Variants in UNC5B observed in about 807,000 individuals in gnomAD.
The protein encoded by UNC5B is netrin receptor UNC5B.
In UNC5B, 56 loss-of-function variants were observed where a neutral mutation model predicts 103.7. The observed-to-expected ratio is 0.54, with a 90% CI of 0.44 to 0.67. The LOEUF (loss-of-function observed/expected upper bound fraction) is 0.67, where lower values mean the gene tolerates loss of function less well. Ranked by LOEUF, UNC5B falls within the 30% of genes least tolerant of loss-of-function variation. The pLI is 0.00. For missense variants in UNC5B, 1,194 were observed against 1,284.5 expected (o/e 0.93, Z 1.08); for synonymous variants, 577 against 542.0 (o/e 1.06, Z -0.90).
At chr10:71,240,180 GC>G (rs2132258241) in intron 1 of UNC5B, among the ~76,000 whole-genome samples, 2 of 152,258 alleles carry the variant, frequency 1.3e-5, no homozygotes, top group South Asian at 4.1e-4. Context: ...GCCAACCTGT[GC>G]CCCCTCCCCC....
chr10:71,284,085 G>A (rs1169947875), intron 2 of UNC5B, among the ~76,000 whole-genome samples: 1 of 152,214 alleles, frequency 6.6e-6, no homozygotes, highest in African/African-American at 2.4e-5. Flanking sequence ...AGCTGGGTAG[G>A]GGAGTGACTG....
At chr10:71,234,158 G>C (rs1037022472) in intron 1 of UNC5B, among the ~76,000 whole-genome samples, 2 of 152,172 alleles carry the variant, frequency 1.3e-5, no homozygotes, top group Admixed American at 6.5e-5. Flanking sequence ...CCTCGGGGGT[G>C]GGGGGCGGAG....
Position 71,213,416 on chromosome 10 carries a change from G to C in UNC5B, c.79+352G>C, listed in dbSNP as rs1843267778. On this transcript the variant is annotated intron_variant, in intron 1 of 16. Transcript: ENST00000335350. The surrounding 1 kb of genome is among the most constrained non-coding windows in gnomAD (Gnocchi z 4.1). ...CGCGCCTGGCATCCGCCCCGAAAAAGAACATTGGCTACATAAGCAAGGTGT... is the reference window on the plus strand; with the variant it reads ...CGCGCCTGGCATCCGCCCCGAAAAACAACATTGGCTACATAAGCAAGGTGT... Among the ~76,000 whole-genome samples the C allele has an allele frequency of 1.3e-5, 2 of 152,296 alleles. No homozygotes were observed. Among genetic ancestry groups the C allele is most frequent in the East Asian group, 3.9e-4 (2 of 5,158 alleles).
chr10:71,290,792 G>A, intron 8 of UNC5B, 123 bp from the exon 9 acceptor site: 1 of 1,236,122 alleles, frequency 8.1e-7, no homozygotes, highest in Non-Finnish European at 1.1e-6. Context: ...GCAGGGCTCA[G>A]ACTGGAACTC....
chr10:71,293,808 G>A lies in UNC5B; in HGVS notation c.2050G>A (p.Gly684Ser). The A allele has an allele frequency of 6.2e-7, 1 of 1,609,702 alleles. No homozygotes were observed. Among genetic ancestry groups the A allele is most frequent in the East Asian group, 2.3e-5 (1 of 44,444 alleles). The change falls in exon 13 of 17, where the codon GGC becomes AGC. Residue 684 changes from glycine to serine, a missense_variant. Gly to Ser is a moderately conservative substitution (Grantham distance 56). Coordinates refer to ENST00000335350, the MANE Select transcript of UNC5B (RefSeq NM_170744.5). ...CCAGCTGGGCACCTACGTGTTCACGGGCGAGTCCTATTCCCGCTCAGCAGT... is the reference window on the plus strand; with the variant it reads ...CCAGCTGGGCACCTACGTGTTCACGAGCGAGTCCTATTCCCGCTCAGCAGT... ...LDQLGTYVFT[G>S]ESYSRSAVKR...
intron 1 of UNC5B, among the ~76,000 whole-genome samples, chr10:71,264,402 A>G (rs776920446): frequency 3.3e-5 from 5 of 152,226 alleles, no homozygotes; most frequent in African/African-American, 7.2e-5. Context: ...CCCATTCTGC[A>G]GAGAAGGAAA....
At chr10:71,286,540 A>C in intron 4 of UNC5B, 149 bp from the exon 5 acceptor site, 6 of 1,016,188 alleles carry the variant, frequency 5.9e-6, no homozygotes, top group Non-Finnish European at 8.7e-6. Flanking sequence ...TCTTAACCCC[A>C]GAGCTGTACA....
intron 1 of UNC5B, among the ~76,000 whole-genome samples, chr10:71,245,880 T>G (rs1190488271): frequency 6.6e-6 from 1 of 152,144 alleles, no homozygotes; most frequent in Non-Finnish European, 1.5e-5. Flanking sequence ...TCGTATCAGC[T>G]CTGTTGGTCT....
chr10:71,250,766 A>G lies in UNC5B; in HGVS notation c.80-29055A>G, dbSNP rs113864650. On this transcript the variant is annotated intron_variant, in intron 1 of 16. Coordinates refer to ENST00000335350, the MANE Select transcript of UNC5B (RefSeq NM_170744.5). The stretch of plus-strand genomic sequence containing the variant: ...TTTCCTGAAGGGTTATCCCCCTCCT[A>G]GCTCCCAGCACTTTGGGGTAGAGAT... Among the ~76,000 whole-genome samples the G allele has an allele frequency of 2.6e-3, 393 of 152,316 alleles. 4 individuals are homozygous for G. The highest frequency in any genetic ancestry group is 8.9e-3 in the African/African-American group (369 of 41,548).
intron 2 of UNC5B, among the ~76,000 whole-genome samples, chr10:71,280,779 C>G (rs1160186340): frequency 6.6e-6 from 1 of 152,212 alleles, no homozygotes; most frequent in Non-Finnish European, 1.5e-5. Context: ...GTCACCAGGT[C>G]CCTGTTGATA....
intron 1 of UNC5B, among the ~76,000 whole-genome samples, chr10:71,259,590 A>G (rs1316923785): frequency 6.6e-6 from 1 of 152,180 alleles, no homozygotes; most frequent in Non-Finnish European, 1.5e-5. Context: ...ACTTCAGCCT[A>G]CACAAGGTCA....
Position 71,287,774 on chromosome 10 carries a change from C to G in UNC5B, c.901+9C>G, listed in dbSNP as rs374328402. The stretch of plus-strand genomic sequence containing the variant: ...CACCACCATCTGCCCAGGTAAGGAG[C>G]CTTGTCCATGTCCAGCCCCACCCCG... On this transcript the variant is annotated intron_variant, in intron 6 of 16. Coordinates refer to ENST00000335350, the MANE Select transcript of UNC5B (RefSeq NM_170744.5). 4.3e-5 allele frequency: 70 copies of G among 1,609,234 alleles called. No homozygotes were observed. The highest frequency in any genetic ancestry group is 5.0e-5 in the Non-Finnish European group (59 of 1,177,778).
intron 2 of UNC5B, among the ~76,000 whole-genome samples, chr10:71,280,849 C>T (rs1346981602): frequency 6.6e-6 from 1 of 152,202 alleles, no homozygotes; most frequent in Non-Finnish European, 1.5e-5. Context: ...AGATGGGACC[C>T]CCCCTTCAGT....
intron 1 of UNC5B, among the ~76,000 whole-genome samples, chr10:71,228,261 C>T (rs1286676182): frequency 6.6e-6 from 1 of 152,074 alleles, no homozygotes; most frequent in African/African-American, 2.4e-5. Context: ...TAAATGAAAA[C>T]ATGGGTAAAT....
At chr10:71,271,291 T>G (rs1665367039) in intron 1 of UNC5B, among the ~76,000 whole-genome samples, 1 of 152,262 alleles carries the variant, frequency 6.6e-6, no homozygotes, top group African/African-American at 2.4e-5. Context: ...GGTCATTGTG[T>G]TGACAATAAT....
chr10:71,286,353 T>C (rs564637919), intron 4 of UNC5B, among the ~76,000 whole-genome samples: 2 of 152,340 alleles, frequency 1.3e-5, no homozygotes, highest in South Asian at 4.1e-4. Flanking sequence ...CCTATTTAGT[T>C]AGTTTAACTC....
rs1564707092 is a variant in UNC5B, at chr10:71,227,701, C to CATATAT, written c.79+14638_79+14639insTATATA. On this transcript the variant is annotated intron_variant, in intron 1 of 16. Transcript: ENST00000335350. ...ACATATATATACACATATATATACA[C>CATATAT]ACATATACACACACACACACACACA... is the stretch of plus-strand genomic sequence containing the variant. 1.8e-3 allele frequency among the ~76,000 whole-genome samples: 204 copies of CATATAT among 115,550 alleles called. 1 individual carries two copies. Among genetic ancestry groups the CATATAT allele is most frequent in the Middle Eastern group, 0.013 (3 of 236 alleles). 75.8% of individuals were successfully genotyped at this position (115,550 alleles called of 152,430 possible).
rs781498765 is a variant in UNC5B, at chr10:71,293,792, C to T, written c.2034C>T (p.Gly678=). The T allele has an allele frequency of 1.2e-6, 2 of 1,606,242 alleles. No homozygotes were observed. The highest frequency in any genetic ancestry group is 2.2e-5 in the South Asian group (2 of 89,648). ...RACHILLDQL[G]TYVFTGESYS... is the part of the protein sequence containing the mutation. ...GTCACATCCTGCTGGACCAGCTGGG[C>T]ACCTACGTGTTCACGGGCGAGTCCT... Residue 678 remains glycine (G), a synonymous_variant, in exon 13 of 17, where the codon GGC becomes GGT. Transcript: ENST00000335350.
intron 1 of UNC5B, among the ~76,000 whole-genome samples, chr10:71,259,434 G>A (rs1844365040): frequency 6.6e-6 from 1 of 151,780 alleles, no homozygotes; most frequent in Non-Finnish European, 1.5e-5. Context: ...ACTAATCTTG[G>A]ACTTGGGCAG....
Sources: gnomAD v4.1 joint callset for allele counts (sites outside exome capture counted in the v4.1 genomes callset) on GRCh38, gnomAD v4.1.1 for gene constraint, Gnocchi (gnomAD v3.1) non-coding constraint, MANE v1.5 for transcripts, NCBI Gene and HGNC (gene_info 2026-07-23, HGNC 2026-07-21) for gene names.